The following AHNAK variants were observed in gnomAD, a reference collection of about 807,000 sequenced individuals.
AHNAK encodes neuroblast differentiation-associated protein AHNAK.
A neutral mutation model predicts 37.8 loss-of-function variants in AHNAK; 23 were observed. The ratio of observed to expected loss-of-function variants is 0.61; its 90% CI spans 0.44 to 0.86. The LOEUF (loss-of-function observed/expected upper bound fraction) is 0.86. Among genes scored for constraint, AHNAK ranks in the 40% least tolerant of loss-of-function variants. The pLI, the probability that AHNAK is intolerant of heterozygous loss-of-function variation, is 0.00. For missense variants in AHNAK, 7,411 were observed against 7,319.4 expected (o/e 1.01, Z -0.46); for synonymous variants, 2,481 against 2,636.3 (o/e 0.94, Z 1.80).
intron 4 of AHNAK, chr11:62,491,942 A>G (rs1939511517): frequency 2.1e-6 from 2 of 949,364 alleles, no homozygotes; most frequent in Admixed American, 4.6e-5. Flanking sequence ...CACGTTTACC[A>G]CTACCACCCC....
intron 5 of AHNAK, among the ~76,000 whole-genome samples, chr11:62,490,789 T>A (rs1939492628): frequency 6.6e-6 from 1 of 150,998 alleles, no homozygotes; most frequent in African/African-American, 2.5e-5. Context: ...TTTATTGTTT[T>A]GTTTTGTTTT....
At chr11:62,492,656 C>A (rs980067461) in intron 4 of AHNAK, among the ~76,000 whole-genome samples, 2 of 151,974 alleles carry the variant, frequency 1.3e-5, no homozygotes, top group South Asian at 4.1e-4. Flanking sequence ...ATCACCTGAG[C>A]CTAGGAGTCC....
chr11:62,453,425 C>T (rs1208031349), intron 5 of AHNAK, among the ~76,000 whole-genome samples: 1 of 152,044 alleles, frequency 6.6e-6, no homozygotes, highest in Admixed American at 6.6e-5. Context: ...AATAATTTAG[C>T]TATAATTTAT....
At chr11:62,468,371 A>AATAT (rs1372260592) in intron 5 of AHNAK, among the ~76,000 whole-genome samples, 1 of 149,468 alleles carries the variant, frequency 6.7e-6, no homozygotes, top group African/African-American at 2.5e-5. Context: ...AAAAAAAAAA[A>AATAT]ATATATATAT....
intron 4 of AHNAK, among the ~76,000 whole-genome samples, chr11:62,492,713 T>TA (rs1039453635): frequency 4.0e-5 from 6 of 151,260 alleles, no homozygotes; most frequent in Non-Finnish European, 8.8e-5. Flanking sequence ...CTACAAAAAA[T>TA]AAAAAATAAA....
rs1022805201 is a variant in AHNAK, at chr11:62,515,950, T to C, written c.*794A>G. 44 of 1,173,316 alleles carry C rather than the reference T, an allele frequency of 3.8e-5. No individual in the cohort carries two copies. In the South Asian group the frequency reaches 7.3e-4, roughly 19 times the overall value. 72.7% of individuals were successfully genotyped at this position (1,173,316 alleles called of 1,614,324 possible). On this transcript the variant is annotated 3_prime_UTR_variant, in exon 5 of 5. Coordinates refer to ENST00000378024, the MANE Select transcript of AHNAK (RefSeq NM_001620.3). ...TTGCCTTGTACAGCATCAATTTTCT[T>C]ACATTCTCAGTTAATTGGCCATTAA... is the stretch of plus-strand genomic sequence containing the variant.
At chr11:62,446,178 G>T (rs1441202058) in intron 5 of AHNAK, among the ~76,000 whole-genome samples, 1 of 152,094 alleles carries the variant, frequency 6.6e-6, no homozygotes, top group Non-Finnish European at 1.5e-5. Flanking sequence ...GAGAAGAAGA[G>T]CTGCCAACCC....
Position 62,530,933 on chromosome 11 carries a change from C to T in AHNAK, c.3484G>A (p.Val1162Met). 1 of 1,613,974 alleles carries T rather than the reference C, an allele frequency of 6.2e-7. No homozygotes were observed. The highest frequency in any genetic ancestry group is 8.5e-7 in the Non-Finnish European group (1 of 1,179,990). ...CTCACATCTGGGGCTTCGATGTCCA[C>T]CTTGGGTCCTGAGACAACAACGTCA... The part of the protein sequence containing the change: ...KADVVVSGPK[V>M]DIEAPDVSLE... The change falls in exon 5 of 5, where the codon GTG becomes ATG. Residue 1162 changes from valine (V) to methionine (M), a missense_variant. Transcript: ENST00000378024.
rs1318777836 is a variant in AHNAK, at chr11:62,529,506, C to T, written c.4911G>A (p.Lys1637=). ...TCTCAGGCATCTTAAACTTGGGGCC[C>T]TTCAACTTCCCTTCTGGACCTTCAA... ...IDIEGPEGKL[K]GPKFKMPEMH... Residue 1637 remains lysine, a synonymous_variant, in exon 5 of 5, where the codon AAG becomes AAA. Coordinates refer to ENST00000378024, the MANE Select transcript of AHNAK (RefSeq NM_001620.3). The T allele has an allele frequency of 3.1e-6, 5 of 1,613,984 alleles. No homozygotes were observed. In the East Asian group the frequency reaches 1.1e-4, roughly 36 times the overall value.
In AHNAK at chr11:62,527,076, A is replaced by G; in HGVS notation, c.7341T>C (p.His2447=). 6.2e-7 allele frequency: 1 copy of G among 1,613,970 alleles called. No individual in the cohort carries two copies. Among genetic ancestry groups the G allele is most frequent in the Non-Finnish European group, 8.5e-7 (1 of 1,180,012 alleles). ...GCATAGAAATATTGGGGGCTTTGAAATGCATATCAGGCATCTTGAACTTAG... is the reference window on the plus strand; with the variant it reads ...GCATAGAAATATTGGGGGCTTTGAAGTGCATATCAGGCATCTTGAACTTAG... ...KGPKFKMPDM[H]FKAPNISMPD... The change falls in exon 5 of 5, where the codon CAT becomes CAC. Residue 2447 remains histidine (H), a synonymous_variant. Transcript: ENST00000378024.
At chr11:62,474,343 C>G (rs1939101261) in intron 5 of AHNAK, among the ~76,000 whole-genome samples, 1 of 151,934 alleles carries the variant, frequency 6.6e-6, no homozygotes. Flanking sequence ...TGCCACCACG[C>G]CCAGCTAATT....
chr11:62,526,964 G>A lies in AHNAK; in HGVS notation c.7453C>T (p.Pro2485Ser). 2 of 1,614,042 alleles carry A rather than the reference G, an allele frequency of 1.2e-6. No individual in the cohort carries two copies. The highest frequency in any genetic ancestry group is 1.7e-6 in the Non-Finnish European group (2 of 1,179,984). Residue 2485 changes from proline (P) to serine (S), a missense_variant, in exon 5 of 5, where the codon CCA (proline) becomes TCA (serine). Pro to Ser is a moderately conservative substitution (Grantham distance 74). Coordinates refer to ENST00000378024, the MANE Select transcript of AHNAK (RefSeq NM_001620.3). ...TTGGGGCCCCTGATGTTCATATCTG[G>A]TACTTCAAGTTTACCTTCTACCTCA... ...VPEVEGKLEV[P>S]DMNIRGPKVD... is the part of the protein sequence containing the mutation.
At position 62,518,745 on chromosome 11, in the gene AHNAK, C is replaced by T. The variant is rs1410400866; in HGVS notation, c.15672G>A (p.Leu5224=). The T allele has an allele frequency of 3.7e-6, 6 of 1,613,700 alleles. No homozygotes were observed. The highest frequency in any genetic ancestry group is 5.1e-6 in the Non-Finnish European group (6 of 1,179,938). ...SVGLEGPDVD[L]QGPEAKIKFP... ...ACTTAATTTTTGCTTCTGGACCTTG[C>T]AGATCTACATCTGGTCCTTCCAGTC... Residue 5224 remains leucine, a synonymous_variant, in exon 5 of 5, where the codon CTG becomes CTA. Transcript: ENST00000378024.
At chr11:62,473,354 C>T (rs1303055706) in intron 5 of AHNAK, among the ~76,000 whole-genome samples, 2 of 130,068 alleles carry the variant, frequency 1.5e-5, no homozygotes, top group East Asian at 4.5e-4. Flanking sequence ...CATGCCATTG[C>T]ACTCCAGCTT....
intron 5 of AHNAK, among the ~76,000 whole-genome samples, chr11:62,437,000 C>T (rs1938186425): frequency 6.6e-6 from 1 of 151,862 alleles, no homozygotes; most frequent in African/African-American, 2.4e-5. Context: ...CAATGGACAG[C>T]TTGATAATCA....
chr11:62,504,907 T>C (rs1483325059), intron 4 of AHNAK, among the ~76,000 whole-genome samples: 2 of 152,188 alleles, frequency 1.3e-5, no homozygotes, highest in Admixed American at 6.5e-5. Flanking sequence ...GGCCTGCTGA[T>C]GGGCCTGAAA....
Position 62,532,211 on chromosome 11 carries a change from G to C in AHNAK, c.2206C>G (p.Pro736Ala). 6.2e-7 allele frequency: 1 copy of C among 1,614,030 alleles called. No individual in the cohort carries two copies. The highest frequency in any genetic ancestry group is 2.2e-5 in the East Asian group (1 of 44,872). ...LKGPKVDIDAPDVDVHGPDWH... is the reference protein window; with the variant it reads ...LKGPKVDIDAADVDVHGPDWH... ...TCTGGGCCATGAACATCCACATCTGGGGCATCAATGTCCACTTTTGGGCCT... is the reference window on the plus strand; with the variant it reads ...TCTGGGCCATGAACATCCACATCTGCGGCATCAATGTCCACTTTTGGGCCT... The change falls in exon 5 of 5, where the codon CCA (proline) becomes GCA (alanine). Residue 736 changes from proline to alanine, a missense_variant. By Grantham distance (27) the Pro-to-Ala change is conservative. Coordinates refer to ENST00000378024, the MANE Select transcript of AHNAK (RefSeq NM_001620.3).
Position 62,525,124 on chromosome 11 carries a change from A to C in AHNAK, c.9293T>G (p.Leu3098Arg). The C allele has an allele frequency of 6.2e-7, 1 of 1,614,146 alleles. No individual in the cohort carries two copies. The highest frequency in any genetic ancestry group is 8.5e-7 in the Non-Finnish European group (1 of 1,180,026). The change falls in exon 5 of 5, where the codon CTT (leucine) becomes CGT (arginine). Residue 3098 changes from leucine to arginine, a missense_variant. Physicochemically the swap from Leu to Arg is moderately radical, Grantham distance 102. Coordinates refer to ENST00000378024, the MANE Select transcript of AHNAK (RefSeq NM_001620.3). ...CTTCACTTTGGGACCTTTCAGGTTAAGATCAATGTCAGGCATGGAGATCTT... is the reference window on the plus strand; with the variant it reads ...CTTCACTTTGGGACCTTTCAGGTTACGATCAATGTCAGGCATGGAGATCTT... ...APKISMPDID[L>R]NLKGPKVKGD...
Position 62,520,269 on chromosome 11 carries a change from G to C in AHNAK, c.14148C>G (p.Ile4716Met). Residue 4716 changes from isoleucine to methionine, a missense_variant, in exon 5 of 5, where the codon ATC (isoleucine) becomes ATG (methionine). Physicochemically the swap from Ile to Met is conservative, Grantham distance 10. Coordinates refer to ENST00000378024, the MANE Select transcript of AHNAK (RefSeq NM_001620.3). ...CAGGCATGGAGATCTTGGGGGCTTT[G>C]ATGCTCATCTCAGGCATCTTGAACT... Reference protein sequence around the residue: ...GPKFKMPEMSIKAPKISMPDI... With the variant: ...GPKFKMPEMSMKAPKISMPDI... 2 of 1,612,296 alleles carry C rather than the reference G, an allele frequency of 1.2e-6. No homozygotes were observed. Among genetic ancestry groups the C allele is most frequent in the Non-Finnish European group, 8.5e-7 (1 of 1,179,582 alleles).
Sources: allele counts gnomAD v4.1 joint callset (sites outside exome capture counted in the v4.1 genomes callset), GRCh38; gene constraint gnomAD v4.1.1; transcripts MANE v1.5; gene names NCBI Gene and HGNC (gene_info 2026-07-23, HGNC 2026-07-21).